Variants in OGDH observed in about 807,000 individuals in gnomAD.
OGDH encodes oxoglutarate dehydrogenase.
A neutral mutation model predicts 116.6 loss-of-function variants in OGDH; 38 were observed. The observed-to-expected ratio is 0.33, with a 90% CI of 0.25 to 0.43. The LOEUF (loss-of-function observed/expected upper bound fraction) is 0.43, where lower values mean the gene tolerates loss of function less well. OGDH is among the 20% of genes least tolerant of loss of function. The pLI is 1.00. For synonymous variants in OGDH, 488 were observed against 533.3 expected (o/e 0.92, Z 1.17); for missense variants, 825 against 1,357.2 (o/e 0.61, Z 6.16).
intron 4 of OGDH, among the ~76,000 whole-genome samples, chr7:44,659,818 TTTTA>T (rs1261741355): frequency 6.6e-6 from 1 of 152,228 alleles, no homozygotes; most frequent in Middle Eastern, 3.2e-3. Flanking sequence ...TGTGTCCTCT[TTTTA>T]TTTGTCAGTC....
At chr7:44,695,140 G>C (rs747950059) in intron 12 of OGDH, among the ~76,000 whole-genome samples, 3 of 152,042 alleles carry the variant, frequency 2.0e-5, no homozygotes, top group Non-Finnish European at 4.4e-5. Flanking sequence ...CTGTCACCCA[G>C]GCTGGAGTGC....
chr7:44,629,419 T>C (rs1785334989), intron 2 of OGDH, among the ~76,000 whole-genome samples: 1 of 152,164 alleles, frequency 6.6e-6, no homozygotes, highest in African/African-American at 2.4e-5. Context: ...GCTTTTCTTC[T>C]AGGCCCTCCT....
chr7:44,686,682 T>C (rs1319199313), intron 10 of OGDH, among the ~76,000 whole-genome samples: 1 of 147,546 alleles, frequency 6.8e-6, no homozygotes, highest in Admixed American at 6.7e-5. Flanking sequence ...TTTTATTTTC[T>C]TTTTTTCTTT....
chr7:44,632,309 C>G (rs1785475521), intron 2 of OGDH, among the ~76,000 whole-genome samples: 2 of 152,070 alleles, frequency 1.3e-5, no homozygotes, highest in African/African-American at 2.4e-5. Context: ...TGGAGCTCTT[C>G]TTTTTGAGAC....
chr7:44,698,103 A>G (rs1457254879), intron 17 of OGDH, 89 bp from the exon 18 acceptor site: 6 of 1,416,674 alleles, frequency 4.2e-6, no homozygotes, highest in Non-Finnish European at 4.9e-6. Context: ...ATAACCAGAA[A>G]TGAGCTAGTT....
chr7:44,665,747 A>G (rs530568915), intron 4 of OGDH, among the ~76,000 whole-genome samples: 1 of 152,328 alleles, frequency 6.6e-6, no homozygotes, highest in South Asian at 2.1e-4. Flanking sequence ...GATGTAAGGT[A>G]TTCAAGCGCT....
intron 20 of OGDH, among the ~76,000 whole-genome samples, chr7:44,703,413 A>G (rs1208204394): frequency 6.6e-6 from 1 of 151,274 alleles, no homozygotes; most frequent in Non-Finnish European, 1.5e-5. Flanking sequence ...ATCTCAAAAC[A>G]AAACAAAACA....
At chr7:44,614,815 T>A (rs1784705923) in intron 1 of OGDH, among the ~76,000 whole-genome samples, 1 of 151,588 alleles carries the variant, frequency 6.6e-6, no homozygotes, top group Non-Finnish European at 1.5e-5. Context: ...TGTTTGAAAT[T>A]ATCCCGGTTC....
At chr7:44,633,763 A>T (rs1258708825) in intron 2 of OGDH, among the ~76,000 whole-genome samples, 8 of 152,182 alleles carry the variant, frequency 5.3e-5, no homozygotes, top group Admixed American at 1.3e-4. Context: ...TTGAGGACAG[A>T]TGAGGCCTCA....
intron 4 of OGDH, among the ~76,000 whole-genome samples, chr7:44,650,311 G>A (rs2268312): frequency 0.12 from 18,400 of 152,080 alleles, 2,314 homozygotes; most frequent in East Asian, 0.39. Context: ...AAGACCCGTC[G>A]TCTCATTTGA....
At chr7:44,615,123 GC>G (rs1438072238) in intron 1 of OGDH, among the ~76,000 whole-genome samples, 2 of 152,176 alleles carry the variant, frequency 1.3e-5, no homozygotes, top group African/African-American at 4.8e-5. Flanking sequence ...GAGCCACCAT[GC>G]CCGGACAAGA....
intron 12 of OGDH, 137 bp from the exon 13 acceptor site, chr7:44,695,888 G>T (rs1325882075): frequency 3.2e-6 from 2 of 624,426 alleles, no homozygotes; most frequent in Non-Finnish European, 5.9e-6. Flanking sequence ...TGGGACTATG[G>T]GTGGGCATGC....
chr7:44,635,556 C>T (rs1239827893), intron 2 of OGDH, among the ~76,000 whole-genome samples: 2 of 152,062 alleles, frequency 1.3e-5, no homozygotes, highest in Non-Finnish European at 2.9e-5. Flanking sequence ...GCTGGAGTGG[C>T]GTCTGTAGGG....
intron 12 of OGDH, among the ~76,000 whole-genome samples, chr7:44,695,086 G>GTT (rs1211206318): frequency 6.7e-6 from 1 of 149,006 alleles, no homozygotes; most frequent in Non-Finnish European, 1.5e-5. Flanking sequence ...TTGTGAACCA[G>GTT]TTTTTTTTTT....
intron 9 of OGDH, among the ~76,000 whole-genome samples, chr7:44,677,627 G>A (rs1787756236): frequency 6.6e-6 from 1 of 152,074 alleles, no homozygotes; most frequent in Non-Finnish European, 1.5e-5. Flanking sequence ...CCAGCACTTT[G>A]GGAGGCTGAG....
rs189282540 is a variant in OGDH at position 44,620,982 on chromosome 7, C to T, written c.-27-3335C>T. Among the ~76,000 whole-genome samples, 73 of 152,320 alleles carry T rather than the reference C, an allele frequency of 4.8e-4. No individual in the cohort carries two copies. The East Asian group carries it at 0.012, about 24-fold the overall frequency. ...AATAACGTACTATTCTTAAAGTTGA[C>T]TTAGTGTCAGTTACAGAATTCTAAG... On this transcript the variant is annotated intron_variant, in intron 1 of 22. Transcript: ENST00000222673.
In OGDH at chr7:44,675,168, T is replaced by C. The variant is rs777372847; in HGVS notation, c.936-10T>C. 1 of 1,612,228 alleles carries C rather than the reference T, an allele frequency of 6.2e-7. No individual in the cohort carries two copies. The highest frequency in any genetic ancestry group is 1.1e-5 in the South Asian group (1 of 91,042). ...AGGCTCTGCTCACCCTACTCGCCCA[T>C]ACGTTCCAGAGGGCGGCTGAACGTG... is the stretch of plus-strand genomic sequence containing the variant. On this transcript the variant is annotated splice_polypyrimidine_tract_variant and intron_variant, in intron 7 of 22. Coordinates refer to ENST00000222673, the MANE Select transcript of OGDH (RefSeq NM_002541.4).
chr7:44,666,155 C>T lies in OGDH; in HGVS notation c.518-581C>T, dbSNP rs190135448. Among the ~76,000 whole-genome samples the T allele has an allele frequency of 1.2e-4, 19 of 152,300 alleles. 1 individual carries two copies. The highest frequency in any genetic ancestry group is 3.8e-4 in the African/African-American group (16 of 41,568). ...AATCCAAGGCTGGGGGTTGTTTGCA[C>T]GCTGCTGTGCTGCCCTGTGGTGCAC... On this transcript the variant is annotated intron_variant, in intron 4 of 22. Transcript: ENST00000222673.
chr7:44,607,473 C>G (rs1784398515), intron 1 of OGDH, among the ~76,000 whole-genome samples: 1 of 152,176 alleles, frequency 6.6e-6, no homozygotes, highest in South Asian at 2.1e-4. Flanking sequence ...TGTGCCTTGT[C>G]TTGCAGTCCG....
Sources: allele counts gnomAD v4.1 joint callset (sites outside exome capture counted in the v4.1 genomes callset), GRCh38; gene constraint gnomAD v4.1.1; transcripts MANE v1.5; gene names NCBI Gene and HGNC (gene_info 2026-07-23, HGNC 2026-07-21).